Variants in NDST4 observed in about 807,000 individuals in gnomAD.
NDST4 encodes N-heparan sulfate sulfotransferase 4.
NDST4 carries 63 observed loss-of-function variants against 100.8 expected under a neutral mutation model. The ratio of observed to expected loss-of-function variants is 0.62; its 90% CI spans 0.51 to 0.77. The LOEUF (loss-of-function observed/expected upper bound fraction) is 0.77, where lower values mean the gene tolerates loss of function less well. Among genes scored for constraint, NDST4 ranks in the 30% least tolerant of loss-of-function variants. The pLI, the probability that NDST4 is intolerant of heterozygous loss-of-function variation, is 0.00. For synonymous variants in NDST4, 377 were observed against 361.8 expected (o/e 1.04, Z -0.48); for missense variants, 943 against 1,018.4 (o/e 0.93, Z 1.01).
At chr4:115,054,614 A>G (rs1728653976) in intron 2 of NDST4, among the ~76,000 whole-genome samples, 1 of 152,198 alleles carries the variant, frequency 6.6e-6, no homozygotes, top group Admixed American at 6.5e-5. Flanking sequence ...GATAAAGCCT[A>G]AAGAGCAGAA....
At chr4:115,104,666 A>C (rs893226489) in intron 1 of NDST4, among the ~76,000 whole-genome samples, 18 of 152,256 alleles carry the variant, frequency 1.2e-4, no homozygotes, top group African/African-American at 4.1e-4. Context: ...GATCATGATA[A>C]ATCACATTAA....
At chr4:114,952,953 A>G (rs1186071450) in intron 4 of NDST4, among the ~76,000 whole-genome samples, 1 of 152,008 alleles carries the variant, frequency 6.6e-6, no homozygotes, top group Non-Finnish European at 1.5e-5. Context: ...ATGTTACTTT[A>G]ATTACCTGTG....
intron 1 of NDST4, among the ~76,000 whole-genome samples, chr4:115,105,428 T>A (rs1218804600): frequency 1.3e-5 from 2 of 152,130 alleles, no homozygotes; most frequent in African/African-American, 2.4e-5. Context: ...AATTCTATTA[T>A]GAAAATTTGC....
At chr4:114,960,166 C>G (rs189889077) in intron 4 of NDST4, among the ~76,000 whole-genome samples, 1 of 152,090 alleles carries the variant, frequency 6.6e-6, no homozygotes, top group Non-Finnish European at 1.5e-5. Context: ...TCTAGCAAAG[C>G]TATCTTTCAA....
chr4:114,944,893 C>T (rs911078947), intron 4 of NDST4, among the ~76,000 whole-genome samples: 7 of 152,130 alleles, frequency 4.6e-5, no homozygotes, highest in East Asian at 1.9e-4. Context: ...TTTCAGGAGA[C>T]GCGCCACACC....
chr4:115,017,946 T>C (rs887198976), intron 2 of NDST4, among the ~76,000 whole-genome samples: 1 of 151,878 alleles, frequency 6.6e-6, no homozygotes, highest in Non-Finnish European at 1.5e-5. Flanking sequence ...GAAGACAAAT[T>C]TAATACATAT....
At chr4:114,929,113 C>CCATCTATCTATCTATCTATCT (rs1560817117) in intron 6 of NDST4, among the ~76,000 whole-genome samples, 5 of 117,392 alleles carry the variant, frequency 4.3e-5, no homozygotes, top group African/African-American at 9.3e-5. Flanking sequence ...TCCATCCATC[C>CCATCTATCTATCTATCTATCT]ATCTATCTAT....
intron 2 of NDST4, among the ~76,000 whole-genome samples, chr4:115,051,241 G>A (rs76856918): frequency 0.047 from 7,102 of 151,454 alleles, 483 homozygotes; most frequent in African/African-American, 0.15. Flanking sequence ...TCTTCATCTC[G>A]TTTATTTAAG....
chr4:114,863,582 C>A (rs1372577747), intron 7 of NDST4, among the ~76,000 whole-genome samples: 1 of 152,204 alleles, frequency 6.6e-6, no homozygotes, highest in African/African-American at 2.4e-5. Flanking sequence ...TTGTTCCCTG[C>A]ATAACTGAAA....
At chr4:114,944,288 A>G (rs930714563) in intron 4 of NDST4, among the ~76,000 whole-genome samples, 1 of 152,176 alleles carries the variant, frequency 6.6e-6, no homozygotes, top group Non-Finnish European at 1.5e-5. Context: ...AGCTCTTCTT[A>G]TGCAATGCCA....
chr4:115,026,992 GT>G, intron 2 of NDST4, among the ~76,000 whole-genome samples: 1 of 152,226 alleles, frequency 6.6e-6, no homozygotes, highest in East Asian at 1.9e-4. Flanking sequence ...CCAGAGTCTA[GT>G]TGCTGTTTAA....
At chr4:114,952,632 C>T (rs550141866) in intron 4 of NDST4, among the ~76,000 whole-genome samples, 1 of 152,060 alleles carries the variant, frequency 6.6e-6, no homozygotes, top group African/African-American at 2.4e-5. Flanking sequence ...TCATGCTATC[C>T]TTTATGTTGT....
chr4:115,077,697 A>G (rs568586749), intron 1 of NDST4, among the ~76,000 whole-genome samples: 2 of 152,312 alleles, frequency 1.3e-5, no homozygotes, highest in African/African-American at 4.8e-5. Flanking sequence ...GCAATTAAAC[A>G]TGCTCTTAGG....
At chr4:114,997,936 G>T (rs1216635217) in intron 2 of NDST4, among the ~76,000 whole-genome samples, 2 of 152,006 alleles carry the variant, frequency 1.3e-5, no homozygotes, top group East Asian at 3.8e-4. Flanking sequence ...GGATTTGTTG[G>T]AAATGACAGG....
rs571928822 is a variant in NDST4 at position 114,881,307 on chromosome 4, T to C, written c.1537-10357A>G. The stretch of plus-strand genomic sequence containing the variant: ...AGAGAAATTAAATAGATTCAAAATA[T>C]GTTAAGATATTGAATCTCTAATGAT... On this transcript the variant is annotated intron_variant, in intron 6 of 13. Transcript: ENST00000264363. 1.3e-4 allele frequency among the ~76,000 whole-genome samples: 20 copies of C among 152,122 alleles called. No individual in the cohort carries two copies. In the South Asian group the frequency reaches 3.9e-3, roughly 30 times the overall value.
chr4:114,927,270 C>T (rs932402286), intron 6 of NDST4, among the ~76,000 whole-genome samples: 20 of 151,130 alleles, frequency 1.3e-4, no homozygotes, highest in African/African-American at 4.8e-4. Context: ...GATGTAGCCA[C>T]GATTTAATTG....
intron 6 of NDST4, among the ~76,000 whole-genome samples, chr4:114,901,976 CA>C (rs1373744990): frequency 6.6e-6 from 1 of 151,840 alleles, no homozygotes; most frequent in Non-Finnish European, 1.5e-5. Flanking sequence ...TTTCTCCTTC[CA>C]ATGTTTGTGT....
At chr4:114,970,627 T>C in intron 3 of NDST4, 43 bp from the exon 4 acceptor site, 1 of 1,550,246 alleles carries the variant, frequency 6.5e-7, no homozygotes, top group East Asian at 2.3e-5. Context: ...GAAAATTTCT[T>C]ACTATCTTAA....
chr4:114,885,101 C>T (rs1724450969), intron 6 of NDST4, among the ~76,000 whole-genome samples: 1 of 152,080 alleles, frequency 6.6e-6, no homozygotes, highest in Non-Finnish European at 1.5e-5. Context: ...TTTTATTATA[C>T]TAGCAAAATG....
Sources: gnomAD v4.1 joint callset for allele counts (sites outside exome capture counted in the v4.1 genomes callset) on GRCh38, gnomAD v4.1.1 for gene constraint, MANE v1.5 for transcripts, NCBI Gene and HGNC (gene_info 2026-07-23, HGNC 2026-07-21) for gene names.